Variants in PNLDC1 observed in about 807,000 individuals in gnomAD.
PNLDC1 encodes PARN like ribonuclease domain containing exonuclease 1, also known as poly(A)-specific ribonuclease PNLDC1.
PNLDC1 carries 70 observed loss-of-function variants against 82.0 expected under a neutral mutation model. That is an observed-to-expected ratio of 0.85 (90% CI 0.70 to 1.04). The LOEUF (loss-of-function observed/expected upper bound fraction) is 1.04. Ranked by LOEUF, PNLDC1 falls within the 50% of genes least tolerant of loss-of-function variation. The pLI is 0.00. For synonymous variants in PNLDC1, 280 were observed against 249.3 expected, an observed-to-expected ratio of 1.12 and a Z score of -1.16; for missense variants, 631 against 661.1, an observed-to-expected ratio of 0.95 and a Z score of 0.50.
intron 13 of PNLDC1, 37 bp from the exon 14 acceptor site, chr6:159,816,506 G>A (rs1781835421): frequency 1.2e-6 from 2 of 1,605,308 alleles, no homozygotes; most frequent in Non-Finnish European, 1.7e-6. Context: ...TCTAATGACT[G>A]CTCAATTCTC....
At chr6:159,818,151 A>C (rs977375191) in intron 15 of PNLDC1, among the ~76,000 whole-genome samples, 4 of 152,134 alleles carry the variant, frequency 2.6e-5, no homozygotes, top group African/African-American at 9.7e-5. Context: ...CCCTGGACAG[A>C]GGGGGCACTG....
In PNLDC1 at chr6:159,804,701, GC is replaced by G; in HGVS notation, c.461+65del. ...TTGCTGTTGTCTGCATTTCCCGTGG[GC>G]GGGCGTGCCGTTTCCAGGAGTGTGG... On this transcript the variant is annotated intron_variant, in intron 6 of 18. Transcript: ENST00000392167. 3 of 1,291,666 alleles carry G rather than the reference GC, an allele frequency of 2.3e-6. 1 individual carries two copies. In the South Asian group the frequency reaches 3.7e-5, roughly 16 times the overall value. 80.0% of individuals were successfully genotyped at this position (1,291,666 alleles called of 1,614,324 possible).
At chr6:159,800,902 T>C in intron 2 of PNLDC1, 73 bp downstream of exon 2, 1 of 1,606,270 alleles carries the variant, frequency 6.2e-7, no homozygotes, top group Admixed American at 1.7e-5. Context: ...AGCAGCCTGT[T>C]GGCATTTGGG....
chr6:159,800,666 A>G, intron 1 of PNLDC1, 106 bp from the exon 2 acceptor site: 1 of 1,610,832 alleles, frequency 6.2e-7, no homozygotes, highest in Non-Finnish European at 8.5e-7. Context: ...TGGCTTCTTG[A>G]GCGCAGAGGT....
intron 6 of PNLDC1, chr6:159,805,689 G>A: frequency 3.1e-6 from 1 of 322,758 alleles, no homozygotes; most frequent in Non-Finnish European, 6.0e-6. Flanking sequence ...GGTCCTGATA[G>A]CAATGCTTGG....
chr6:159,815,961 T>A lies in PNLDC1; in HGVS notation c.996-8T>A, dbSNP rs1435169577. 5 of 1,610,876 alleles carry A rather than the reference T, an allele frequency of 3.1e-6. No individual in the cohort carries two copies. Among genetic ancestry groups the A allele is most frequent in the Non-Finnish European group, 4.2e-6 (5 of 1,177,760 alleles). ...ATTGTTTTTTATTCTATTTTTCTTTTCCAATAGTGACTTGAATCCCACCAA... is the reference window on the plus strand; with the variant it reads ...ATTGTTTTTTATTCTATTTTTCTTTACCAATAGTGACTTGAATCCCACCAA... On this transcript the variant is annotated splice_region_variant and splice_polypyrimidine_tract_variant and intron_variant, in intron 12 of 18. Transcript: ENST00000392167.
At chr6:159,815,360 G>T (rs987055281) in intron 12 of PNLDC1, among the ~76,000 whole-genome samples, 1 of 152,192 alleles carries the variant, frequency 6.6e-6, no homozygotes, top group Admixed American at 6.5e-5. Flanking sequence ...GTCTTTCTGT[G>T]GTTTCTGAAG....
rs1429881251 is a variant in PNLDC1, at chr6:159,819,041, T to C, written c.1353T>C (p.His451=). ...WPGVSEQQVY[H]KFQNLCKFDV... Reference sequence around the variant, plus strand: ...GGGTCAGCGAGCAGCAAGTCTACCATAAGTTTCAGAATCTCTGCAAGTTTG... The same window carrying C: ...GGGTCAGCGAGCAGCAAGTCTACCACAAGTTTCAGAATCTCTGCAAGTTTG... Residue 451 remains histidine (H), a synonymous_variant, in exon 17 of 19, where the codon CAT becomes CAC. Transcript: ENST00000392167. This position sits in a 1 kb window ranked among gnomAD's most constrained non-coding sequence, Gnocchi z 4.6. 6.2e-7 allele frequency: 1 copy of C among 1,613,976 alleles called. No homozygotes were observed. The highest frequency in any genetic ancestry group is 2.2e-5 in the East Asian group (1 of 44,868).
At chr6:159,813,739 C>A in intron 12 of PNLDC1, 83 bp downstream of exon 12, 1 of 1,242,522 alleles carries the variant, frequency 8.0e-7, no homozygotes, top group Non-Finnish European at 1.2e-6. Context: ...GCTCTCTAGG[C>A]GTGCCCACCA....
In PNLDC1 at chr6:159,820,464, A is replaced by AAGGGCC. The variant is rs1562509287; in HGVS notation, c.1543_1544insAGGGCC (p.Ile515delinsLysGlyLeu). 2 of 1,614,176 alleles carry AAGGGCC rather than the reference A, an allele frequency of 1.2e-6. No homozygotes were observed. The highest frequency in any genetic ancestry group is 1.7e-6 in the Non-Finnish European group (2 of 1,180,032). On this transcript the variant is annotated protein_altering_variant, in exon 19 of 19. Coordinates refer to ENST00000392167, the MANE Select transcript of PNLDC1 (RefSeq NM_001271862.2). ...GTCATTGTCTTGCAGAGTCTGTGGC[A>AAGGGCC]TAGTGACTGCCTGGGCCCTTCTCGC...
chr6:159,802,859 A>G (rs1329303822), intron 3 of PNLDC1, among the ~76,000 whole-genome samples: 2 of 151,690 alleles, frequency 1.3e-5, no homozygotes, highest in Admixed American at 1.3e-4. Context: ...TTGGGATTAC[A>G]GGCATAAGCC....
chr6:159,809,163 G>C lies in PNLDC1; in HGVS notation c.783+5G>C. 1 of 1,613,450 alleles carries C rather than the reference G, an allele frequency of 6.2e-7. No individual in the cohort carries two copies. The highest frequency in any genetic ancestry group is 1.1e-5 in the South Asian group (1 of 90,954). The stretch of plus-strand genomic sequence containing the variant: ...ATGCTGGTGAAAGCCCAGAAGGTAG[G>C]AAAACATGTCTCTTTTCTTGGCCTA... On this transcript the variant is annotated splice_donor_5th_base_variant and intron_variant, in intron 9 of 18. Transcript: ENST00000392167.
chr6:159,800,235 C>G, upstream of PNLDC1: 1 of 1,426,232 alleles, frequency 7.0e-7, no homozygotes, highest in Non-Finnish European at 9.5e-7. Context: ...GACCCGGCGG[C>G]GCGACGGAAG....
chr6:159,799,633 T>C (rs1338424715), upstream of PNLDC1, among the ~76,000 whole-genome samples: 1 of 152,036 alleles, frequency 6.6e-6, no homozygotes, highest in Non-Finnish European at 1.5e-5. Flanking sequence ...AAAGTAAAAA[T>C]TAAGCTCACA....
At chr6:159,808,641 G>A in intron 7 of PNLDC1, 99 bp from the exon 8 acceptor site, 1 of 1,142,652 alleles carries the variant, frequency 8.8e-7, no homozygotes, top group Non-Finnish European at 1.3e-6. Context: ...CTTTCCACTT[G>A]ACCTTTCCAT....
Position 159,819,340 on chromosome 6 carries a change from A to G in PNLDC1, c.1520A>G (p.Asn507Ser), listed in dbSNP as rs765928086. 4 of 1,613,672 alleles carry G rather than the reference A, an allele frequency of 2.5e-6. No homozygotes were observed. The South Asian group carries it at 4.4e-5, about 18-fold the overall frequency. ...TACTGGAGGCACTCCCCAAACGTCA[A>G]CTGCCTGCTCCAGTAAGTGACAGGC... ...YRYWRHSPNV[N>S]CLLQVCGIVT... is the part of the protein sequence containing the mutation. The change falls in exon 18 of 19, where the codon AAC (asparagine) becomes AGC (serine). Residue 507 changes from asparagine to serine, a missense_variant. Transcript: ENST00000392167. The surrounding 1 kb of genome is among the most constrained non-coding windows in gnomAD (Gnocchi z 4.6).
intron 10 of PNLDC1, among the ~76,000 whole-genome samples, chr6:159,810,377 A>G (rs1221361605): frequency 2.0e-5 from 3 of 152,264 alleles, no homozygotes; most frequent in Non-Finnish European, 4.4e-5. Context: ...GAAGCTTGGC[A>G]AAATCAGAAA....
At chr6:159,817,323 C>G (rs1200933513) in intron 15 of PNLDC1, among the ~76,000 whole-genome samples, 172 bp downstream of exon 15, 1 of 152,220 alleles carries the variant, frequency 6.6e-6, no homozygotes, top group Non-Finnish European at 1.5e-5. Context: ...ACAAATGGCT[C>G]TGTGCCACAG....
chr6:159,800,992 C>T (rs889900518), intron 2 of PNLDC1, 121 bp from the exon 3 acceptor site: 16 of 1,442,412 alleles, frequency 1.1e-5, no homozygotes, highest in Non-Finnish European at 1.6e-5. Context: ...TGGTAGTGCT[C>T]CCTAGTTGTT....
Sources: allele counts gnomAD v4.1 joint callset (sites outside exome capture counted in the v4.1 genomes callset), GRCh38; gene constraint gnomAD v4.1.1; non-coding constraint Gnocchi (gnomAD v3.1); transcripts MANE v1.5; gene names NCBI Gene and HGNC (gene_info 2026-07-23, HGNC 2026-07-21).